The following PTPRK variants were observed in gnomAD, a reference collection of about 807,000 sequenced individuals.
PTPRK encodes receptor-type tyrosine-protein phosphatase kappa.
In PTPRK, 75 loss-of-function variants were observed where a neutral mutation model predicts 178.0. The ratio of observed to expected loss-of-function variants is 0.42; its 90% confidence interval spans 0.35 to 0.51. PTPRK has a LOEUF of 0.51. Among genes scored for constraint, PTPRK ranks in the 20% least tolerant of loss-of-function variants. The pLI, the probability that PTPRK is intolerant of heterozygous loss-of-function variation, is 0.02. For synonymous variants in PTPRK, 637 were observed against 620.6 expected (o/e 1.03, Z -0.39); for missense variants, 1,441 against 1,797.8 (o/e 0.80, Z 3.59).
intron 7 of PTPRK, among the ~76,000 whole-genome samples, chr6:128,135,679 T>G (rs985199751): frequency 6.6e-6 from 1 of 152,146 alleles, no homozygotes. Flanking sequence ...GATATCCCTA[T>G]GCCCTCTGAG....
Position 128,435,106 on chromosome 6 carries a change from A to AAGGC in PTPRK, c.101-37422_101-37419dup, listed in dbSNP as rs66666583. The stretch of plus-strand genomic sequence containing the variant: ...GAAGGAAGGAAGGAAGGAAGGAAGG[A>AAGGC]AGGCAGGAAGGCAGGCAGGAAGGCA... On this transcript the variant is annotated intron_variant, in intron 1 of 29. Transcript: ENST00000368226. 6.4e-3 allele frequency among the ~76,000 whole-genome samples: 413 copies of AAGGC among 64,582 alleles called. 5 individuals carry two copies. Among genetic ancestry groups the AAGGC allele is most frequent in the South Asian group, 8.5e-3 (14 of 1,650 alleles). 42.4% of individuals were successfully genotyped at this position (64,582 alleles called of 152,430 possible). A position where few individuals can be genotyped will look rare whatever the true frequency, so the allele number is the denominator to read the frequency against.
rs117574668 is a variant in PTPRK, at chr6:128,419,836, A to C, written c.101-22148T>G. On this transcript the variant is annotated intron_variant, in intron 1 of 29. Coordinates refer to ENST00000368226, the MANE Select transcript of PTPRK (RefSeq NM_002844.4). ...AAAACTGTTAAGCAATAATAGCGAG[A>C]AGAGTATCTGTTCCTCTAAAGTCTT... Among the ~76,000 whole-genome samples, 562 of 152,324 alleles carry C rather than the reference A, an allele frequency of 3.7e-3. 1 individual carries two copies. Among genetic ancestry groups the C allele is most frequent in the Non-Finnish European group, 4.2e-3 (287 of 68,028 alleles).
chr6:128,438,114 G>A (rs562884417), intron 1 of PTPRK, among the ~76,000 whole-genome samples: 1 of 152,344 alleles, frequency 6.6e-6, no homozygotes, highest in Admixed American at 6.5e-5. Flanking sequence ...CGCAGTTCAA[G>A]CCCGTGTTGT....
intron 7 of PTPRK, among the ~76,000 whole-genome samples, chr6:128,114,000 G>T (rs1299157469): frequency 1.3e-5 from 2 of 152,080 alleles, no homozygotes; most frequent in African/African-American, 4.8e-5. Flanking sequence ...AGAAAGCCTT[G>T]ATTGATAATA....
At chr6:128,000,107 T>TGTTAAAACAAAATGTTTTAA (rs1777630313) in intron 15 of PTPRK, 1 of 972,176 alleles carries the variant, frequency 1.0e-6, no homozygotes, top group Non-Finnish European at 1.2e-6. Flanking sequence ...TTTTAAGGGG[T>TGTTAAAACAAAATGTTTTAA]GTTACTTTGA....
chr6:128,387,261 T>G, intron 2 of PTPRK, among the ~76,000 whole-genome samples: 1 of 152,190 alleles, frequency 6.6e-6, no homozygotes, highest in East Asian at 1.9e-4. Context: ...TAAAAGTATG[T>G]CGCTTCATCT....
chr6:128,292,665 T>A (rs181572561), intron 3 of PTPRK, among the ~76,000 whole-genome samples: 4 of 152,230 alleles, frequency 2.6e-5, no homozygotes, highest in African/African-American at 9.6e-5. Context: ...TAGGATGCAG[T>A]TCATAGGGCA....
At chr6:128,030,785 A>G (rs796525715) in intron 13 of PTPRK, among the ~76,000 whole-genome samples, 22 of 152,316 alleles carry the variant, frequency 1.4e-4, no homozygotes, top group African/African-American at 4.1e-4. Context: ...CAAGTTCAAG[A>G]AGAATTTCAA....
At chr6:128,456,270 T>C (rs1848383988) in intron 1 of PTPRK, among the ~76,000 whole-genome samples, 1 of 151,958 alleles carries the variant, frequency 6.6e-6, no homozygotes, top group Non-Finnish European at 1.5e-5. Context: ...AAAGACACAA[T>C]TCCTGCCTTC....
chr6:128,218,964 G>C lies in PTPRK; in HGVS notation c.826C>G (p.Arg276Gly), dbSNP rs771852470. 1.1e-5 allele frequency: 18 copies of C among 1,613,954 alleles called. No homozygotes were observed. The highest frequency in any genetic ancestry group is 1.5e-5 in the Non-Finnish European group (18 of 1,179,934). ...GCAAAATTGGACACACCGGAACCTC[G>C]TTCTGACTGAGTTACACAGCGATAC... ...DLYRCVTQSE[R>G]GSGVSNFAQL... The change falls in exon 6 of 30, where the codon CGA (arginine) becomes GGA (glycine). Residue 276 changes from arginine to glycine, a missense_variant. Physicochemically the swap from Arg to Gly is moderately radical, Grantham distance 125. This residue lies in a region of PTPRK where 945 missense variants were observed against 1,080.6 expected (regional missense o/e 0.87). Coordinates refer to ENST00000368226, the MANE Select transcript of PTPRK (RefSeq NM_002844.4).
intron 1 of PTPRK, among the ~76,000 whole-genome samples, chr6:128,446,595 G>A (rs993575453): frequency 6.6e-6 from 1 of 152,200 alleles, no homozygotes; most frequent in Non-Finnish European, 1.5e-5. Flanking sequence ...GAATAGCACA[G>A]AAGCCGTAGC....
intron 7 of PTPRK, among the ~76,000 whole-genome samples, chr6:128,140,928 C>G (rs181230411): frequency 6.6e-6 from 1 of 151,892 alleles, no homozygotes; most frequent in East Asian, 1.9e-4. Flanking sequence ...AAGTAGAAGA[C>G]TTTGTTCAGT....
chr6:128,464,655 A>ATATG lies in PTPRK; in HGVS notation c.100+55603_100+55604insCATA, dbSNP rs527271879. Reference sequence around the variant, plus strand: ...TATATACACATATATATATATATATATATATATATATATATATATACAACA... The same window carrying ATATG: ...TATATACACATATATATATATATATATATGTATATATATATATATATATACAACA... On this transcript the variant is annotated intron_variant, in intron 1 of 29. Transcript: ENST00000368226. Among the ~76,000 whole-genome samples, 188 of 105,854 alleles carry ATATG rather than the reference A, an allele frequency of 1.8e-3. 4 individuals carry two copies. The highest frequency in any genetic ancestry group is 6.0e-3 in the African/African-American group (172 of 28,770). The allele number at this position is 105,854 out of a possible 152,430, so 69.4% of individuals were successfully genotyped here. A position where few individuals can be genotyped will look rare whatever the true frequency, so the allele number is the denominator to read the frequency against.
intron 1 of PTPRK, among the ~76,000 whole-genome samples, chr6:128,463,314 A>C (rs1849322682): frequency 6.6e-6 from 1 of 152,244 alleles, no homozygotes; most frequent in South Asian, 2.1e-4. Context: ...CTCTTACAAC[A>C]GTTAAAATTA....
In PTPRK at chr6:128,029,225, C is replaced by T. The variant is rs147479930; in HGVS notation, c.2195-19957G>A. Among the ~76,000 whole-genome samples, 199 of 152,118 alleles carry T rather than the reference C, an allele frequency of 1.3e-3. 2 individuals carry two copies. Among genetic ancestry groups the T allele is most frequent in the African/African-American group, 4.5e-3 (186 of 41,508 alleles). On this transcript the variant is annotated intron_variant, in intron 13 of 29. Transcript: ENST00000368226. The stretch of plus-strand genomic sequence containing the variant: ...TTCCCTCTCCTGTCTCCCTCTCTTG[C>T]CAAGTGATACATGGTTCCCCTTCAC...
intron 6 of PTPRK, among the ~76,000 whole-genome samples, chr6:128,216,746 T>C (rs941609740): frequency 1.3e-5 from 2 of 151,312 alleles, no homozygotes; most frequent in Non-Finnish European, 2.9e-5. Context: ...GATCCAGTAA[T>C]GACAAAATGA....
At chr6:128,241,047 AAAAT>A (rs1814330742) in intron 4 of PTPRK, among the ~76,000 whole-genome samples, 3 of 152,218 alleles carry the variant, frequency 2.0e-5, no homozygotes, top group Non-Finnish European at 1.5e-5. Context: ...CAAGAAGTGA[AAAAT>A]AAACAGTAGA....
At chr6:128,376,702 T>C (rs1224281284) in intron 2 of PTPRK, among the ~76,000 whole-genome samples, 1 of 152,226 alleles carries the variant, frequency 6.6e-6, no homozygotes, top group Non-Finnish European at 1.5e-5. Context: ...TTTTATGCTA[T>C]GTTTCCCTTT....
chr6:128,005,071 A>G lies in PTPRK; in HGVS notation c.2494+13T>C. On this transcript the variant is annotated intron_variant, in intron 15 of 29. Coordinates refer to ENST00000368226, the MANE Select transcript of PTPRK (RefSeq NM_002844.4). Reference sequence around the variant, plus strand: ...TGTAACATCATTTATTAAAATTTTAATGAAAAACTTACATCTTGGACTAAA... The same window carrying G: ...TGTAACATCATTTATTAAAATTTTAGTGAAAAACTTACATCTTGGACTAAA... The G allele has an allele frequency of 6.3e-7, 1 of 1,598,038 alleles. No individual in the cohort carries two copies. Among genetic ancestry groups the G allele is most frequent in the African/African-American group, 1.3e-5 (1 of 74,412 alleles).
Sources: allele counts gnomAD v4.1 joint callset (sites outside exome capture counted in the v4.1 genomes callset), GRCh38; gene constraint gnomAD v4.1.1; regional missense constraint gnomAD v4.1.1; transcripts MANE v1.5; gene names NCBI Gene and HGNC (gene_info 2026-07-23, HGNC 2026-07-21).